Variants in LRP1B observed in about 807,000 individuals in gnomAD.
LRP1B encodes LDL receptor related protein 1B, also known as low-density lipoprotein receptor-related protein 1B.
Under a neutral mutation model 556.6 loss-of-function variants are expected in LRP1B, and 217 were observed. The ratio of observed to expected loss-of-function variants is 0.39; its 90% CI spans 0.35 to 0.44. The LOEUF (loss-of-function observed/expected upper bound fraction) is 0.44, where lower values mean the gene tolerates loss of function less well. LRP1B is among the 20% of genes least tolerant of loss of function. The probability of loss-of-function intolerance (pLI) is 1.00; values close to 1 mark genes in which losing one functional copy is unlikely to be tolerated. For synonymous variants in LRP1B, 2,047 were observed against 1,865.8 expected, an observed-to-expected ratio of 1.10 and a Z score of -2.50; for missense variants, 5,053 against 5,620.8, an observed-to-expected ratio of 0.90 and a Z score of 3.23.
chr2:141,733,528 T>C (rs1363855224), intron 2 of LRP1B, among the ~76,000 whole-genome samples: 1 of 152,150 alleles, frequency 6.6e-6, no homozygotes, highest in Non-Finnish European at 1.5e-5. Flanking sequence ...AATCTTGTCA[T>C]TTTATGTACT....
At chr2:140,958,204 T>G (rs751010706) in intron 18 of LRP1B, among the ~76,000 whole-genome samples, 9 of 151,484 alleles carry the variant, frequency 5.9e-5, no homozygotes, top group Non-Finnish European at 8.9e-5. Flanking sequence ...ACAACAGGAT[T>G]AGATCCAGAA....
Position 140,851,782 on chromosome 2 carries a change from A to G in LRP1B, c.4581T>C (p.Ala1527=), listed in dbSNP as rs1692466034. ...CATCATTAGCTGCACAAGGATTGGGAGCTGTAATTACACAGTGAAATATGA... is the reference window on the plus strand; with the variant it reads ...CATCATTAGCTGCACAAGGATTGGGGGCTGTAATTACACAGTGAAATATGA... The part of the protein sequence containing the change: ...QIYHPSRQPQ[A]PNPCAANDGK... Residue 1527 remains alanine (A), a splice_region_variant and synonymous_variant, in exon 28 of 91, where the codon GCT becomes GCC. Transcript: ENST00000389484. 1.3e-6 allele frequency: 2 copies of G among 1,598,340 alleles called. No individual in the cohort carries two copies. The highest frequency in any genetic ancestry group is 2.3e-5 in the South Asian group (2 of 88,042).
At chr2:141,140,396 A>C (rs1701618431) in intron 7 of LRP1B, among the ~76,000 whole-genome samples, 1 of 152,150 alleles carries the variant, frequency 6.6e-6, no homozygotes, top group African/African-American at 2.4e-5. Context: ...AATGATATAC[A>C]TTGGGTGCTG....
Position 141,248,297 on chromosome 2 carries a change from C to T in LRP1B, c.464-943G>A, listed in dbSNP as rs142906240. On this transcript the variant is annotated intron_variant, in intron 4 of 90. Transcript: ENST00000389484. ...GCACTGTACTGATCCCTGCAGAAGA[C>T]AAAATCAATAAAATATGGTCCCTAC... 1.3e-3 allele frequency among the ~76,000 whole-genome samples: 195 copies of T among 152,156 alleles called. 1 individual carries two copies. The highest frequency in any genetic ancestry group is 0.011 in the Admixed American group (163 of 15,282).
intron 1 of LRP1B, among the ~76,000 whole-genome samples, chr2:141,847,830 A>C (rs921134324): frequency 1.3e-5 from 2 of 151,590 alleles, no homozygotes; most frequent in African/African-American, 2.4e-5. Context: ...AAATGATGCA[A>C]ATGTTTTTGT....
At chr2:141,969,914 C>CT (rs143462223) in intron 1 of LRP1B, among the ~76,000 whole-genome samples, 12 of 150,776 alleles carry the variant, frequency 8.0e-5, no homozygotes, top group East Asian at 3.9e-4. Context: ...TACAAGGGCT[C>CT]TTTTTTTTTC....
chr2:141,511,369 A>G (rs568480249), intron 2 of LRP1B, among the ~76,000 whole-genome samples: 3 of 152,276 alleles, frequency 2.0e-5, no homozygotes, highest in South Asian at 2.1e-4. Flanking sequence ...CTAACCGGTG[A>G]AGGATTTTCA....
At chr2:140,377,183 C>G (rs1248680543) in intron 68 of LRP1B, among the ~76,000 whole-genome samples, 1 of 152,122 alleles carries the variant, frequency 6.6e-6, no homozygotes, top group African/African-American at 2.4e-5. Context: ...TCAAGCGATT[C>G]CCCTCCCTCA....
intron 10 of LRP1B, among the ~76,000 whole-genome samples, chr2:141,051,259 C>T (rs2105449390): frequency 6.6e-6 from 1 of 152,154 alleles, no homozygotes; most frequent in South Asian, 2.1e-4. Flanking sequence ...CTATTTTACT[C>T]AGCAGTCCCA....
chr2:140,861,022 C>CTATCTAATT (rs898483521), intron 27 of LRP1B, among the ~76,000 whole-genome samples: 1 of 135,344 alleles, frequency 7.4e-6, no homozygotes, highest in Non-Finnish European at 1.6e-5. Context: ...ATCTATCTAT[C>CTATCTAATT]TATCTAATTT....
At position 140,806,505 on chromosome 2, in the gene LRP1B, T is replaced by G. The variant is rs183651665; in HGVS notation, c.5359+7152A>C. On this transcript the variant is annotated intron_variant, in intron 32 of 90. Coordinates refer to ENST00000389484, the MANE Select transcript of LRP1B (RefSeq NM_018557.3). ...CAGAGAATAATGAATAAATAGCTCA[T>G]AGGTGTGAGTGAAGGGTGGAGGGTA... 2.6e-5 allele frequency among the ~76,000 whole-genome samples: 4 copies of G among 152,298 alleles called. No homozygotes were observed. The East Asian group carries it at 5.8e-4, about 22-fold the overall frequency.
At chr2:141,400,072 A>C (rs554754351) in intron 3 of LRP1B, among the ~76,000 whole-genome samples, 2 of 151,976 alleles carry the variant, frequency 1.3e-5, no homozygotes, top group Non-Finnish European at 2.9e-5. Context: ...GGCAGCTTCA[A>C]TCTCCCAGAG....
chr2:140,250,495 G>T (rs1223720610), intron 86 of LRP1B, among the ~76,000 whole-genome samples: 3 of 151,446 alleles, frequency 2.0e-5, no homozygotes, highest in African/African-American at 7.3e-5. Flanking sequence ...GCATGGTAAA[G>T]GGTATTGATT....
chr2:141,585,466 T>TGTGTGTGTGTGTGTGTGTGA, intron 2 of LRP1B, among the ~76,000 whole-genome samples: 1 of 145,436 alleles, frequency 6.9e-6, no homozygotes, highest in East Asian at 2.0e-4. Flanking sequence ...TGTGTGTGTG[T>TGTGTGTGTGTGTGTGTGTGA]GTGATGGGGT....
At chr2:140,889,635 C>T (rs1693740159) in intron 23 of LRP1B, among the ~76,000 whole-genome samples, 3 of 152,132 alleles carry the variant, frequency 2.0e-5, no homozygotes, top group East Asian at 1.9e-4. Flanking sequence ...ACACAGTCCT[C>T]ACAAAGCCTT....
chr2:141,564,436 A>G (rs1379246521), intron 2 of LRP1B, among the ~76,000 whole-genome samples: 1 of 152,130 alleles, frequency 6.6e-6, no homozygotes, highest in Non-Finnish European at 1.5e-5. Flanking sequence ...TAAAGAAATA[A>G]CTAGTGAGGC....
At chr2:141,598,479 T>G (rs985710045) in intron 2 of LRP1B, among the ~76,000 whole-genome samples, 1 of 152,180 alleles carries the variant, frequency 6.6e-6, no homozygotes, top group Admixed American at 6.6e-5. Flanking sequence ...TTCCTTACTT[T>G]GTCTTCTAAA....
At chr2:142,083,620 C>A (rs1033581595) in intron 1 of LRP1B, among the ~76,000 whole-genome samples, 2 of 152,160 alleles carry the variant, frequency 1.3e-5, no homozygotes, top group East Asian at 1.9e-4. Context: ...ATATTTAGTT[C>A]TTCTAAACTG....
intron 6 of LRP1B, among the ~76,000 whole-genome samples, chr2:141,215,658 T>C (rs1371363057): frequency 6.6e-6 from 1 of 152,222 alleles, no homozygotes; most frequent in Non-Finnish European, 1.5e-5. Flanking sequence ...ACATGTTTTA[T>C]GCCTTAGCAA....
Sources: allele counts gnomAD v4.1 joint callset (sites outside exome capture counted in the v4.1 genomes callset), GRCh38; gene constraint gnomAD v4.1.1; transcripts MANE v1.5; gene names NCBI Gene and HGNC (gene_info 2026-07-23, HGNC 2026-07-21).